Variants in GLYR1 observed in about 807,000 individuals in gnomAD.
GLYR1 encodes the protein glyoxylate reductase 1 homolog.
In GLYR1, 21 loss-of-function variants were observed where a neutral mutation model predicts 72.7. That is an observed-to-expected ratio of 0.29 (90% CI 0.20 to 0.42). GLYR1 has a LOEUF of 0.42. Among genes scored for constraint, GLYR1 ranks in the 10% least tolerant of loss-of-function variants. The pLI is 1.00. For synonymous variants in GLYR1, 392 were observed against 270.2 expected (o/e 1.45, Z -4.42); for missense variants, 594 against 712.1 (o/e 0.83, Z 1.89).
At chr16:4,829,893 G>A (rs555734237) in intron 5 of GLYR1, among the ~76,000 whole-genome samples, 53 of 152,016 alleles carry the variant, frequency 3.5e-4, no homozygotes, top group Non-Finnish European at 7.2e-4. Flanking sequence ...GGCTGGTCTC[G>A]AACTCCCGAC....
chr16:4,821,754 C>T (rs2084040177), intron 7 of GLYR1, 157 bp from the exon 8 acceptor site: 2 of 666,954 alleles, frequency 3.0e-6, no homozygotes, highest in Non-Finnish European at 5.3e-6. Context: ...AAAGTTCATA[C>T]ACATTACCTC....
intron 11 of GLYR1, among the ~76,000 whole-genome samples, chr16:4,814,182 T>C (rs1276079390): frequency 6.6e-6 from 1 of 152,162 alleles, no homozygotes; most frequent in Non-Finnish European, 1.5e-5. Context: ...ACTACCACAC[T>C]TGAACTTCTA....
At chr16:4,824,632 A>C (rs771132728) in intron 5 of GLYR1, among the ~76,000 whole-genome samples, 7 of 152,174 alleles carry the variant, frequency 4.6e-5, no homozygotes, top group South Asian at 2.1e-4. Context: ...TGACAAAGGC[A>C]GAATTAAACT....
At position 4,836,889 on chromosome 16, in the gene GLYR1, A is replaced by G. The variant is rs539222893; in HGVS notation, c.156-3977T>C. On this transcript the variant is annotated intron_variant, in intron 3 of 15. Coordinates refer to ENST00000321919, the MANE Select transcript of GLYR1 (RefSeq NM_032569.4). ...AACACAGGCTATGCCGACTGCCCAG[A>G]GGGTTTCCTCCATGACTTCCTGGTT... Among the ~76,000 whole-genome samples the G allele has an allele frequency of 2.6e-5, 4 of 151,834 alleles. No individual in the cohort carries two copies. In the South Asian group the frequency reaches 8.3e-4, roughly 32 times the overall value.
intron 9 of GLYR1, among the ~76,000 whole-genome samples, chr16:4,819,031 G>T (rs2083833926): frequency 6.6e-6 from 1 of 152,178 alleles, no homozygotes; most frequent in African/African-American, 2.4e-5. Flanking sequence ...TGCTTTTACG[G>T]ATGACTTTTA....
At chr16:4,816,283 A>G (rs1227658600) in intron 10 of GLYR1, among the ~76,000 whole-genome samples, 3 of 152,088 alleles carry the variant, frequency 2.0e-5, no homozygotes, top group Admixed American at 1.3e-4. Context: ...AGCTGGGACT[A>G]TAGTAGGCAG....
At position 4,817,330 on chromosome 16, in the gene GLYR1, A is replaced by C. The variant is rs1039743332; in HGVS notation, c.906+268T>G. Reference sequence around the variant, plus strand: ...GAGACGGGGTTTCACCGTGTTAGCCAGGATGGTCTCGATCTCCTGACCTCA... The same window carrying C: ...GAGACGGGGTTTCACCGTGTTAGCCCGGATGGTCTCGATCTCCTGACCTCA... On this transcript the variant is annotated intron_variant, in intron 10 of 15. Transcript: ENST00000321919. 1.3e-5 allele frequency among the ~76,000 whole-genome samples: 2 copies of C among 151,992 alleles called. 1 individual carries two copies. Among genetic ancestry groups the C allele is most frequent in the South Asian group, 4.2e-4 (2 of 4,810 alleles).
intron 15 of GLYR1, among the ~76,000 whole-genome samples, chr16:4,806,129 A>C (rs771125576): frequency 6.6e-6 from 1 of 152,306 alleles, no homozygotes; most frequent in Non-Finnish European, 1.5e-5. Context: ...ACATCTGGTA[A>C]TATCTGGAGA....
chr16:4,807,395 C>T (rs910913816), intron 15 of GLYR1, among the ~76,000 whole-genome samples: 1 of 152,056 alleles, frequency 6.6e-6, no homozygotes, highest in African/African-American at 2.4e-5. Context: ...TTATAGGTGT[C>T]AGCCACCGTG....
chr16:4,842,222 C>T (rs1352443578), intron 3 of GLYR1, among the ~76,000 whole-genome samples: 4 of 149,060 alleles, frequency 2.7e-5, no homozygotes, highest in African/African-American at 7.4e-5. Context: ...CCAGCCTGGG[C>T]GACAGAGCGA....
chr16:4,843,759 G>C (rs1420570037), intron 3 of GLYR1: 2 of 584,260 alleles, frequency 3.4e-6, no homozygotes, highest in African/African-American at 2.0e-5. Context: ...ATCTAAGGCT[G>C]TATTTTCCTA....
At chr16:4,840,757 A>C (rs758199821) in intron 3 of GLYR1, among the ~76,000 whole-genome samples, 1 of 152,212 alleles carries the variant, frequency 6.6e-6, no homozygotes, top group Non-Finnish European at 1.5e-5. Context: ...GCTTGCCCAA[A>C]TCAGGGAGCA....
chr16:4,821,741 T>G, intron 7 of GLYR1, 144 bp from the exon 8 acceptor site: 1 of 727,060 alleles, frequency 1.4e-6, no homozygotes. Flanking sequence ...AATTTTACAC[T>G]AGAAAGTTCA....
chr16:4,814,463 G>A, intron 11 of GLYR1, 74 bp downstream of exon 11: 2 of 1,073,068 alleles, frequency 1.9e-6, no homozygotes, highest in Admixed American at 1.7e-5. Context: ...GGTGTGCAGG[G>A]GAGGAGGGGA....
At chr16:4,840,836 T>C (rs528073309) in intron 3 of GLYR1, among the ~76,000 whole-genome samples, 4 of 152,338 alleles carry the variant, frequency 2.6e-5, no homozygotes, top group African/African-American at 9.6e-5. Context: ...CAAAGTAATC[T>C]GCTGCCACCA....
intron 11 of GLYR1, among the ~76,000 whole-genome samples, chr16:4,814,310 C>T (rs1214062287): frequency 6.6e-6 from 1 of 152,242 alleles, no homozygotes; most frequent in East Asian, 1.9e-4. Context: ...AGACACATTT[C>T]AGCACAGACT....
chr16:4,805,321 A>G lies in GLYR1; in HGVS notation c.1588-11T>C. 1 of 1,612,202 alleles carries G rather than the reference A, an allele frequency of 6.2e-7. No individual in the cohort carries two copies. The highest frequency in any genetic ancestry group is 8.5e-7 in the Non-Finnish European group (1 of 1,178,918). ...GGCTCTTTTGTACACCTGGAAAAAAAAGAGATGGCTCAGTCTCTGGCCCCA... is the reference window on the plus strand; with the variant it reads ...GGCTCTTTTGTACACCTGGAAAAAAGAGAGATGGCTCAGTCTCTGGCCCCA... On this transcript the variant is annotated splice_polypyrimidine_tract_variant and intron_variant, in intron 15 of 15. Transcript: ENST00000321919.
chr16:4,825,743 C>T (rs1263548484), intron 5 of GLYR1, among the ~76,000 whole-genome samples: 1 of 151,934 alleles, frequency 6.6e-6, no homozygotes. Flanking sequence ...CCTCTGTCTC[C>T]TGGGTTCCAG....
intron 12 of GLYR1, 68 bp downstream of exon 12, chr16:4,813,669 C>T: frequency 1.4e-6 from 2 of 1,382,050 alleles, no homozygotes; most frequent in South Asian, 1.2e-5. Flanking sequence ...ACTGCCCACT[C>T]TTGTAAGCCT....
Sources: gnomAD v4.1 joint callset for allele counts (sites outside exome capture counted in the v4.1 genomes callset) on GRCh38, gnomAD v4.1.1 for gene constraint, MANE v1.5 for transcripts, NCBI Gene and HGNC (gene_info 2026-07-23, HGNC 2026-07-21) for gene names.